LRP2: variants seen among roughly 807,000 people sequenced by gnomAD.
The protein encoded by LRP2 is LDL receptor related protein 2.
A neutral mutation model predicts 531.0 loss-of-function variants in LRP2; 172 were observed. The observed-to-expected ratio is 0.32, with a 90% CI of 0.29 to 0.37. The LOEUF is 0.37. LRP2 is among the 10% of genes least tolerant of loss of function. The pLI, the probability that LRP2 is intolerant of heterozygous loss-of-function variation, is 1.00. For missense variants in LRP2, 5,167 were observed against 5,868.3 expected (o/e 0.88, Z 3.90); for synonymous variants, 1,992 against 2,027.6 (o/e 0.98, Z 0.47).
chr2:169,150,325 T>C (rs890285691), intron 68 of LRP2, among the ~76,000 whole-genome samples: 1 of 152,178 alleles, frequency 6.6e-6, no homozygotes, highest in Non-Finnish European at 1.5e-5. Flanking sequence ...TCATTTCAGC[T>C]TAGTGATTAT....
chr2:169,257,234 A>T lies in LRP2; in HGVS notation c.2529T>A (p.Thr843=), dbSNP rs1190874831. The T allele has an allele frequency of 1.2e-6, 2 of 1,612,724 alleles. No homozygotes were observed. The highest frequency in any genetic ancestry group is 1.7e-6 in the Non-Finnish European group (2 of 1,179,032). ...TAATTTTAGCAGGACGGAACCAATC[A>T]GTGAAGAATAGATACCTAGAAAAAG... ...VHPFAGYLFF[T]DWFRPAKIMR... is the part of the protein sequence containing the mutation. Residue 843 remains threonine (T), a synonymous_variant, in exon 18 of 79, where the codon ACT becomes ACA. Transcript: ENST00000649046.
chr2:169,167,504 G>T (rs544914911), intron 61 of LRP2, among the ~76,000 whole-genome samples: 1 of 152,192 alleles, frequency 6.6e-6, no homozygotes, highest in South Asian at 2.1e-4. Context: ...CATTTGAGGG[G>T]CCTGTTAATG....
chr2:169,256,347 T>C, intron 18 of LRP2, 111 bp from the exon 19 acceptor site: 2 of 748,614 alleles, frequency 2.7e-6, no homozygotes, highest in Non-Finnish European at 2.1e-6. Context: ...TTAAACAAAG[T>C]TTTTAAAATT....
At chr2:169,175,070 A>C (rs553745177) in intron 55 of LRP2, 123 bp downstream of exon 55, 2 of 827,232 alleles carry the variant, frequency 2.4e-6, no homozygotes, top group East Asian at 5.4e-5. Context: ...ATGGAGCCTG[A>C]GTTTCCTTCT....
intron 16 of LRP2, among the ~76,000 whole-genome samples, chr2:169,261,375 G>C (rs1483195316): frequency 6.6e-6 from 1 of 151,830 alleles, no homozygotes; most frequent in Non-Finnish European, 1.5e-5. Flanking sequence ...ACCTAGGCTG[G>C]AGTGCAGTGG....
chr2:169,334,685 C>A (rs551682277), intron 1 of LRP2, among the ~76,000 whole-genome samples: 1 of 152,324 alleles, frequency 6.6e-6, no homozygotes, highest in African/African-American at 2.4e-5. Context: ...AGGGCAGGAA[C>A]TGTTTGTGTC....
intron 62 of LRP2, among the ~76,000 whole-genome samples, chr2:169,164,380 G>T (rs1014147544): frequency 1.3e-5 from 2 of 152,222 alleles, no homozygotes; most frequent in African/African-American, 2.4e-5. Flanking sequence ...CTTGGGAAGG[G>T]GTTAAGGGTG....
intron 16 of LRP2, 130 bp downstream of exon 16, chr2:169,270,774 A>ATAAAT: frequency 2.7e-6 from 1 of 367,804 alleles, no homozygotes; most frequent in Non-Finnish European, 4.7e-6. Context: ...AAATAAATAA[A>ATAAAT]TAAATAAATA....
intron 10 of LRP2, 42 bp from the exon 11 acceptor site, chr2:169,280,561 G>A: frequency 6.3e-7 from 1 of 1,594,254 alleles, no homozygotes; most frequent in Non-Finnish European, 8.6e-7. Flanking sequence ...CTTCAGATGA[G>A]CAAGGATGGT....
chr2:169,289,745 T>C (rs929839895), intron 8 of LRP2, among the ~76,000 whole-genome samples: 2 of 152,188 alleles, frequency 1.3e-5, no homozygotes, highest in Admixed American at 1.3e-4. Flanking sequence ...AAATATTAAC[T>C]GTGGCTGGCT....
At chr2:169,141,365 T>G (rs892088933) in intron 71 of LRP2, among the ~76,000 whole-genome samples, 13 of 152,114 alleles carry the variant, frequency 8.5e-5, no homozygotes, top group African/African-American at 2.7e-4. Context: ...TGAACTACCA[T>G]GTATTTATTG....
At chr2:169,235,757 T>A in intron 29 of LRP2, 83 bp downstream of exon 29, 3 of 1,080,168 alleles carry the variant, frequency 2.8e-6, no homozygotes, top group South Asian at 1.3e-5. Context: ...CAAAAATTAA[T>A]TTCTTAGCTT....
intron 4 of LRP2, among the ~76,000 whole-genome samples, chr2:169,300,775 G>T (rs986124328): frequency 3.3e-5 from 5 of 152,036 alleles, no homozygotes; most frequent in Non-Finnish European, 7.4e-5. Flanking sequence ...AGAGTCGCCT[G>T]CTTCTTCTTT....
In LRP2 at chr2:169,128,711, G is replaced by A; in HGVS notation, c.13920C>T (p.Asp4640=). ...CAAGATTTGCGGTGTCTTTAAAAGT[G>A]TCTTCTGTTGCAGAATAGGTTGGAG... The part of the protein sequence containing the change: ...DPTPTYSATE[D]TFKDTANLVK... The change falls in exon 79 of 79, where the codon GAC becomes GAT. Residue 4640 remains aspartate (D), a synonymous_variant. Transcript: ENST00000649046. 1 of 1,614,134 alleles carries A rather than the reference G, an allele frequency of 6.2e-7. No homozygotes were observed. Among genetic ancestry groups the A allele is most frequent in the East Asian group, 2.2e-5 (1 of 44,888 alleles).
rs2293773 is a variant in LRP2 at position 169,139,648 on chromosome 2, T to A, written c.13200-38A>T. Reference sequence around the variant, plus strand: ...AGCAAATCATTCACTAGCTGTTATGTTCTTAGGCTTCTACTGCATTTTTCT... The same window carrying A: ...AGCAAATCATTCACTAGCTGTTATGATCTTAGGCTTCTACTGCATTTTTCT... On this transcript the variant is annotated intron_variant, in intron 72 of 78. Transcript: ENST00000649046. The A allele has an allele frequency of 4.7e-3, 7,316 of 1,572,844 alleles. 36 individuals are homozygous for A. The highest frequency in any genetic ancestry group is 0.014 in the East Asian group (633 of 44,714).
intron 1 of LRP2, among the ~76,000 whole-genome samples, chr2:169,349,078 A>G (rs1685774202): frequency 1.3e-5 from 2 of 152,180 alleles, no homozygotes; most frequent in Admixed American, 6.5e-5. Context: ...AGGGAAAGCA[A>G]TGGATAAAAG....
chr2:169,150,862 A>T, intron 68 of LRP2, 36 bp downstream of exon 68: 1 of 1,612,898 alleles, frequency 6.2e-7, no homozygotes, highest in Non-Finnish European at 8.5e-7. Context: ...TCCAGGGAGA[A>T]ATATCTAGAT....
At position 169,174,089 on chromosome 2, in the gene LRP2, G is replaced by A. The variant is rs2105282084; in HGVS notation, c.10844C>T (p.Thr3615Ile). Reference protein sequence around the residue: ...RCIPESWQCDTFNDCEDNSDE... With the variant: ...RCIPESWQCDIFNDCEDNSDE... ...TGAGTTATCCTCACAGTCGTTAAAT[G>A]TGTCACACTGCCAGGATTCTGGGAT... is the stretch of plus-strand genomic sequence containing the variant. Residue 3615 changes from threonine to isoleucine, a missense_variant, in exon 56 of 79, where the codon ACA (threonine) becomes ATA (isoleucine). Transcript: ENST00000649046. The A allele has an allele frequency of 6.2e-7, 1 of 1,614,208 alleles. No individual in the cohort carries two copies. The highest frequency in any genetic ancestry group is 8.5e-7 in the Non-Finnish European group (1 of 1,180,024).
At position 169,145,829 on chromosome 2, in the gene LRP2, T is replaced by C; in HGVS notation, c.12906A>G (p.Gln4302=). Residue 4302 remains glutamine, a synonymous_variant, in exon 70 of 79, where the codon CAA becomes CAG. Coordinates refer to ENST00000649046, the MANE Select transcript of LRP2 (RefSeq NM_004525.3). ...CTACCAGCGTTTTCTCTTTCTTTCC[T>C]TGCCCAAATTTATTTTGTTTCCATA... ...GEVWKQNKFG[Q]GKKEKTLVVN... The C allele has an allele frequency of 1.2e-6, 2 of 1,614,184 alleles. No individual in the cohort carries two copies. The highest frequency in any genetic ancestry group is 1.7e-6 in the Non-Finnish European group (2 of 1,180,012).
Sources: allele counts gnomAD v4.1 joint callset (sites outside exome capture counted in the v4.1 genomes callset), GRCh38; gene constraint gnomAD v4.1.1; transcripts MANE v1.5; gene names NCBI Gene and HGNC (gene_info 2026-07-23, HGNC 2026-07-21).